Variants in SYCP1 observed in about 807,000 individuals in gnomAD.
SYCP1 encodes the protein cancer/testis antigen 8.
SYCP1 carries 64 observed loss-of-function variants against 153.1 expected under a neutral mutation model. That is an observed-to-expected ratio of 0.42 (90% CI 0.34 to 0.51). The LOEUF (loss-of-function observed/expected upper bound fraction) is 0.51. SYCP1 is among the 20% of genes least tolerant of loss of function. The probability of loss-of-function intolerance (pLI) is 0.06; values close to 1 mark genes in which losing one functional copy is unlikely to be tolerated. For missense variants in SYCP1, 997 were observed against 1,049.0 expected, an observed-to-expected ratio of 0.95 and a Z score of 0.68; for synonymous variants, 384 against 341.8, an observed-to-expected ratio of 1.12 and a Z score of -1.36.
In SYCP1 at chr1:114,944,326, T is replaced by C. The variant is rs189349699; in HGVS notation, c.1927-13T>C. 2.1e-6 allele frequency: 3 copies of C among 1,431,806 alleles called. No individual in the cohort carries two copies. Among genetic ancestry groups the C allele is most frequent in the African/African-American group, 2.9e-5 (2 of 69,984 alleles). 88.7% of individuals were successfully genotyped at this position (1,431,806 alleles called of 1,614,324 possible). On this transcript the variant is annotated splice_polypyrimidine_tract_variant and intron_variant, in intron 23 of 31. Coordinates refer to ENST00000369522, the MANE Select transcript of SYCP1 (RefSeq NM_003176.4). ...CATTTACTAATATTCATGCTATTTT[T>C]CTTTACTTAAAGGTCAATAAATTAG...
chr1:114,895,364 C>T (rs568009651), intron 15 of SYCP1, 84 bp from the exon 16 acceptor site: 390 of 778,856 alleles, frequency 5.0e-4, no homozygotes, highest in African/African-American at 1.8e-3. Flanking sequence ...TTCCCTTTTG[C>T]GTAGTATTAT....
At chr1:114,910,172 T>A in intron 16 of SYCP1, 1 of 299,754 alleles carries the variant, frequency 3.3e-6, no homozygotes, top group South Asian at 5.9e-5. Flanking sequence ...AAATTAATCA[T>A]CTGTAACTAA....
chr1:114,923,246 T>C (rs1669017839), intron 20 of SYCP1, among the ~76,000 whole-genome samples: 1 of 152,214 alleles, frequency 6.6e-6, no homozygotes, highest in Non-Finnish European at 1.5e-5. Context: ...TATTTTAAGT[T>C]TCTGTTTAAT....
At chr1:114,933,435 A>G (rs1356530118) in intron 23 of SYCP1, among the ~76,000 whole-genome samples, 1 of 152,202 alleles carries the variant, frequency 6.6e-6, no homozygotes. Flanking sequence ...TAAAACCACA[A>G]AGATGGGGAG....
rs775651957 is a variant in SYCP1 at position 114,926,343 on chromosome 1, A to G, written c.1863+3A>G. ...ATATTGAAGAACTTCAGCAGGAGGT[A>G]TGTATTTTTTATAAATATTCTCAAA... On this transcript the variant is annotated splice_donor_region_variant and intron_variant, in intron 22 of 31. Coordinates refer to ENST00000369522, the MANE Select transcript of SYCP1 (RefSeq NM_003176.4). 22 of 1,532,630 alleles carry G rather than the reference A, an allele frequency of 1.4e-5. No homozygotes were observed. The South Asian group carries it at 2.4e-4, about 17-fold the overall frequency. The allele number at this position is 1,532,630 out of a possible 1,614,324, so 94.9% of individuals were successfully genotyped here.
intron 23 of SYCP1, among the ~76,000 whole-genome samples, chr1:114,930,269 T>C (rs1268392883): frequency 6.6e-6 from 1 of 151,778 alleles, no homozygotes; most frequent in East Asian, 1.9e-4. Flanking sequence ...ATCTAGAAAC[T>C]AAAAAAGTGA....
At position 114,854,953 on chromosome 1, in the gene SYCP1, C is replaced by G. The variant is rs1281810624; in HGVS notation, c.-90C>G. ...GGAGCCATTGGTTCTTTCTGTTGCC[C>G]TCATAGACCGTATGTAGCAGTTCGC... On this transcript the variant is annotated 5_prime_UTR_variant, in exon 1 of 32. Coordinates refer to ENST00000369522, the MANE Select transcript of SYCP1 (RefSeq NM_003176.4). The G allele has an allele frequency of 6.6e-6, 1 of 152,216 alleles. No individual in the cohort carries two copies. Among genetic ancestry groups the G allele is most frequent in the Admixed American group, 6.5e-5 (1 of 15,284 alleles). The allele number at this position is 152,216 out of a possible 1,614,324, so 9.4% of individuals were successfully genotyped here.
Position 114,971,076 on chromosome 1 carries a change from C to T in SYCP1, c.2323-6481C>T, listed in dbSNP as rs567894120. 4.6e-5 allele frequency among the ~76,000 whole-genome samples: 7 copies of T among 152,138 alleles called. No homozygotes were observed. In the South Asian group the frequency reaches 1.0e-3, roughly 23 times the overall value. ...GGTGTTGTCTTTAAGAGAGCAACAT[C>T]GATGGTAGTGTGGAGGGATACAAAC... On this transcript the variant is annotated intron_variant, in intron 27 of 31. Coordinates refer to ENST00000369522, the MANE Select transcript of SYCP1 (RefSeq NM_003176.4).
At chr1:114,971,780 A>T (rs1024347503) in intron 27 of SYCP1, among the ~76,000 whole-genome samples, 2 of 152,152 alleles carry the variant, frequency 1.3e-5, no homozygotes, top group African/African-American at 4.8e-5. Context: ...CACAGCCATG[A>T]TGAATGATGT....
At chr1:114,974,946 A>G (rs535715898) in intron 27 of SYCP1, among the ~76,000 whole-genome samples, 2 of 151,848 alleles carry the variant, frequency 1.3e-5, no homozygotes, top group Non-Finnish European at 3.0e-5. Context: ...ATTCCCACAC[A>G]GCAGTGCATA....
chr1:114,907,381 T>G (rs1452844697), intron 16 of SYCP1, among the ~76,000 whole-genome samples: 1 of 152,172 alleles, frequency 6.6e-6, no homozygotes, highest in Admixed American at 6.5e-5. Flanking sequence ...GTTTGCTCCT[T>G]TGTTTTGTTC....
intron 27 of SYCP1, among the ~76,000 whole-genome samples, chr1:114,950,822 C>T (rs1314580009): frequency 7.2e-6 from 1 of 138,924 alleles, no homozygotes; most frequent in Non-Finnish European, 1.6e-5. Context: ...AAATTACACT[C>T]TTTTTTTTTT....
chr1:114,867,270 G>T (rs1005405537), intron 8 of SYCP1, among the ~76,000 whole-genome samples: 1 of 152,026 alleles, frequency 6.6e-6, no homozygotes, highest in Non-Finnish European at 1.5e-5. Context: ...TTTAGAATCA[G>T]TTTGTAGATA....
chr1:114,971,939 G>A (rs1672513107), intron 27 of SYCP1, among the ~76,000 whole-genome samples: 1 of 152,094 alleles, frequency 6.6e-6, no homozygotes, highest in African/African-American at 2.4e-5. Flanking sequence ...CATAGAATGA[G>A]TTTGGAAGTA....
intron 27 of SYCP1, among the ~76,000 whole-genome samples, chr1:114,967,115 A>C (rs1672178330): frequency 6.6e-6 from 1 of 152,178 alleles, no homozygotes; most frequent in Admixed American, 6.5e-5. Context: ...ATTTTAGAAT[A>C]AGTGCTATGC....
intron 27 of SYCP1, among the ~76,000 whole-genome samples, chr1:114,957,962 T>C (rs1413865996): frequency 6.6e-6 from 1 of 152,198 alleles, no homozygotes; most frequent in Non-Finnish European, 1.5e-5. Flanking sequence ...GAAATCAGCA[T>C]ATTGAAGAGA....
At chr1:114,870,424 A>G (rs360627) in intron 8 of SYCP1, among the ~76,000 whole-genome samples, 53,846 of 151,598 alleles carry the variant, frequency 0.36, 10,576 homozygotes, top group East Asian at 0.5. Context: ...TTTGCCATCC[A>G]TATGTCTCCT....
At chr1:114,935,164 A>C (rs1021169858) in intron 23 of SYCP1, among the ~76,000 whole-genome samples, 1 of 152,100 alleles carries the variant, frequency 6.6e-6, no homozygotes, top group African/African-American at 2.4e-5. Flanking sequence ...GAAGTAAAGC[A>C]CTCCTCAGCA....
chr1:114,870,112 C>A (rs1016851493), intron 8 of SYCP1, among the ~76,000 whole-genome samples: 4 of 152,106 alleles, frequency 2.6e-5, no homozygotes, highest in Admixed American at 6.6e-5. Flanking sequence ...ATCCTGGGCT[C>A]AAGCGATCTT....
Sources: allele counts gnomAD v4.1 joint callset (sites outside exome capture counted in the v4.1 genomes callset), GRCh38; gene constraint gnomAD v4.1.1; transcripts MANE v1.5; gene names NCBI Gene and HGNC (gene_info 2026-07-23, HGNC 2026-07-21).